TRPM3: variants seen among roughly 807,000 people sequenced by gnomAD.
TRPM3 encodes the protein long transient receptor potential channel 3.
A neutral mutation model predicts 181.2 loss-of-function variants in TRPM3; 77 were observed. That is an observed-to-expected ratio of 0.42 (90% CI 0.35 to 0.51). The LOEUF is 0.51. TRPM3 is among the 20% of genes least tolerant of loss of function. The pLI is 0.01. For missense variants in TRPM3, 1,759 were observed against 2,196.7 expected, an observed-to-expected ratio of 0.80 and a Z score of 3.98; for synonymous variants, 745 against 796.4, an observed-to-expected ratio of 0.94 and a Z score of 1.09.
chr9:70,987,450 G>T (rs1208703053), intron 1 of TRPM3, among the ~76,000 whole-genome samples: 1 of 152,084 alleles, frequency 6.6e-6, no homozygotes. Context: ...GAAACATATG[G>T]AGCATTTAGA....
chr9:71,171,995 C>A (rs2076887424), intron 1 of TRPM3, among the ~76,000 whole-genome samples: 1 of 152,048 alleles, frequency 6.6e-6, no homozygotes, highest in African/African-American at 2.4e-5. Context: ...ACCTCCTGGG[C>A]TGAAGTCATC....
chr9:70,605,446 C>T (rs762799793), intron 19 of TRPM3, among the ~76,000 whole-genome samples: 1 of 151,606 alleles, frequency 6.6e-6, no homozygotes, highest in Non-Finnish European at 1.5e-5. Flanking sequence ...CTGGCACACC[C>T]CCACCCCCAC....
intron 1 of TRPM3, among the ~76,000 whole-genome samples, chr9:70,998,156 C>CAT (rs1554794732): frequency 1.8e-4 from 5 of 27,200 alleles, no homozygotes; most frequent in South Asian, 1.4e-3. Context: ...TATATATATA[C>CAT]ATATATACAT....
intron 2 of TRPM3, among the ~76,000 whole-genome samples, chr9:70,864,227 T>C (rs1411889180): frequency 6.6e-6 from 1 of 152,090 alleles, no homozygotes; most frequent in Non-Finnish European, 1.5e-5. Context: ...TATGTTTTTC[T>C]TTATCGGCTC....
intron 1 of TRPM3, among the ~76,000 whole-genome samples, chr9:70,919,508 G>A (rs951271996): frequency 6.6e-6 from 1 of 152,164 alleles, no homozygotes; most frequent in Admixed American, 6.5e-5. Flanking sequence ...TCCTGGCCAG[G>A]CACGGTGGTT....
chr9:71,192,555 C>T (rs2078097846), intron 1 of TRPM3, among the ~76,000 whole-genome samples: 1 of 151,786 alleles, frequency 6.6e-6, no homozygotes. Context: ...ATTTGTATGC[C>T]TTCTTTGGAA....
chr9:71,273,270 T>C (rs1393053971), intron 1 of TRPM3, among the ~76,000 whole-genome samples: 1 of 152,176 alleles, frequency 6.6e-6, no homozygotes, highest in African/African-American at 2.4e-5. Context: ...CTTTATCGGA[T>C]AGATGTTTGG....
At chr9:70,618,403 G>T (rs1220706487) in intron 17 of TRPM3, among the ~76,000 whole-genome samples, 1 of 152,204 alleles carries the variant, frequency 6.6e-6, no homozygotes, top group Middle Eastern at 3.2e-3. Flanking sequence ...TTTCCAAGTA[G>T]ATCTATCTCA....
At chr9:70,765,805 T>C (rs2079001719) in intron 7 of TRPM3, among the ~76,000 whole-genome samples, 1 of 152,104 alleles carries the variant, frequency 6.6e-6, no homozygotes, top group Non-Finnish European at 1.5e-5. Flanking sequence ...TCTTTTTCTG[T>C]GCAACATTGG....
intron 1 of TRPM3, among the ~76,000 whole-genome samples, chr9:71,359,972 T>C (rs954435931): frequency 6.6e-6 from 1 of 152,196 alleles, no homozygotes; most frequent in African/African-American, 2.4e-5. Context: ...TTCTAGCACC[T>C]AGAAGAGTGG....
chr9:71,393,853 G>C (rs905539020), intron 1 of TRPM3, among the ~76,000 whole-genome samples: 2 of 152,198 alleles, frequency 1.3e-5, no homozygotes, highest in African/African-American at 4.8e-5. Flanking sequence ...CAACGTCACA[G>C]TTAAATTCTT....
chr9:71,191,162 T>G (rs2077997591), intron 1 of TRPM3, among the ~76,000 whole-genome samples: 1 of 151,828 alleles, frequency 6.6e-6, no homozygotes, highest in Non-Finnish European at 1.5e-5. Context: ...ATTTGAATAC[T>G]GATTCCAAGC....
Position 71,111,105 on chromosome 9 carries a change from C to T in TRPM3, c.177+10073G>A, listed in dbSNP as rs147926618. On this transcript the variant is annotated intron_variant, in intron 1 of 25. Coordinates refer to ENST00000677713, the MANE Select transcript of TRPM3 (RefSeq NM_001366145.2). ...AAACAACATATATGGAACATTCAAA[C>T]ATTTTCAGACAAATTGGTTACATTC... Among the ~76,000 whole-genome samples the T allele has an allele frequency of 1.6e-3, 244 of 152,268 alleles. 1 individual carries two copies. The highest frequency in any genetic ancestry group is 5.7e-3 in the African/African-American group (235 of 41,572).
chr9:71,071,505 T>C (rs1309533939), intron 1 of TRPM3, among the ~76,000 whole-genome samples: 1 of 152,168 alleles, frequency 6.6e-6, no homozygotes, highest in Non-Finnish European at 1.5e-5. Context: ...GAGACTACAA[T>C]CTTGACAATG....
intron 1 of TRPM3, among the ~76,000 whole-genome samples, chr9:71,143,106 CAG>C (rs2075213480): frequency 7.5e-6 from 1 of 133,586 alleles, no homozygotes. Context: ...GCATGGAGGA[CAG>C]AATGAGACCC....
intron 9 of TRPM3, among the ~76,000 whole-genome samples, chr9:70,678,663 T>G (rs1429057523): frequency 2.0e-5 from 3 of 152,220 alleles, no homozygotes; most frequent in Non-Finnish European, 2.9e-5. Flanking sequence ...TAACTTCTGG[T>G]TCTCTCAGAA....
chr9:71,116,737 C>T (rs2072475060), intron 1 of TRPM3, among the ~76,000 whole-genome samples: 1 of 151,480 alleles, frequency 6.6e-6, no homozygotes, highest in Non-Finnish European at 1.5e-5. Flanking sequence ...ACTAGATTCC[C>T]CCCAAAAAAA....
chr9:71,175,003 T>C (rs973868554), intron 1 of TRPM3, among the ~76,000 whole-genome samples: 2 of 151,950 alleles, frequency 1.3e-5, no homozygotes, highest in African/African-American at 4.8e-5. Flanking sequence ...TATAAGGACA[T>C]GGTAGGCAGA....
chr9:70,762,137 C>T (rs1020902816), intron 7 of TRPM3, among the ~76,000 whole-genome samples: 9 of 152,154 alleles, frequency 5.9e-5, no homozygotes, highest in Admixed American at 2.6e-4. Context: ...TAAATTGCAG[C>T]GTCATGTCTA....
Sources: allele counts gnomAD v4.1 joint callset (sites outside exome capture counted in the v4.1 genomes callset), GRCh38; gene constraint gnomAD v4.1.1; transcripts MANE v1.5; gene names NCBI Gene and HGNC (gene_info 2026-07-23, HGNC 2026-07-21).